Variants in HTR3A observed in about 807,000 individuals in gnomAD.
HTR3A encodes the protein 5-hydroxytryptamine receptor 3A.
HTR3A carries 45 observed loss-of-function variants against 54.8 expected under a neutral mutation model. The ratio of observed to expected loss-of-function variants is 0.82; its 90% confidence interval spans 0.65 to 1.05. The LOEUF is 1.05. HTR3A is among the 50% of genes least tolerant of loss of function. HTR3A has a pLI of 0.00. For missense variants in HTR3A, 657 were observed against 614.0 expected (o/e 1.07, Z -0.74); for synonymous variants, 297 against 256.0 (o/e 1.16, Z -1.53).
At position 113,989,698 on chromosome 11, in the gene HTR3A, C is replaced by G. The variant is rs1950529418; in HGVS notation, c.1372C>G (p.Leu458Val). ...VLDKLLFHIY[L>V]LAVLAYSITL... ...GGACAAGCTGCTATTCCACATTTAC[C>G]TGCTAGCGGTGCTGGCCTACAGCAT... Residue 458 changes from leucine (L) to valine (V), a missense_variant, in exon 9 of 9, where the codon CTG becomes GTG. Transcript: ENST00000504030. This position sits in a 1 kb window ranked among gnomAD's most constrained non-coding sequence, Gnocchi z 4.4. The G allele has an allele frequency of 3.7e-6, 6 of 1,613,934 alleles. No homozygotes were observed. The African/African-American group carries it at 8.0e-5, about 22-fold the overall frequency.
chr11:113,979,935 G>A (rs1164727325), intron 3 of HTR3A, among the ~76,000 whole-genome samples: 1 of 152,156 alleles, frequency 6.6e-6, no homozygotes, highest in Non-Finnish European at 1.5e-5. Context: ...CAGAGGTCAT[G>A]CCCAAGAGGC....
intron 8 of HTR3A, among the ~76,000 whole-genome samples, chr11:113,987,829 A>C (rs927954023): frequency 6.6e-6 from 1 of 152,234 alleles, no homozygotes; most frequent in Non-Finnish European, 1.5e-5. Context: ...TGTGGAGTTC[A>C]TACTTCCTGA....
At chr11:113,986,388 C>A in intron 6 of HTR3A, 130 bp from the exon 7 acceptor site, 1 of 1,137,870 alleles carries the variant, frequency 8.8e-7, no homozygotes, top group Non-Finnish European at 1.3e-6. Context: ...GTATGGGGGT[C>A]TGTCTGTTTT....
intron 3 of HTR3A, 31 bp from the exon 4 acceptor site, chr11:113,981,172 C>A: frequency 7.3e-7 from 1 of 1,373,622 alleles, no homozygotes; most frequent in Non-Finnish European, 1.0e-6. Context: ...ATGGAGGGGG[C>A]TGCCTGTGAC....
rs542246514 is a variant in HTR3A at position 113,980,536 on chromosome 11, G to C, written c.265-667G>C. ...AGAAGGCTGAGGAAAATGTACCTTG[G>C]TAAAGAAGATAGGGGAGAGGGAGCA... is the stretch of plus-strand genomic sequence containing the variant. On this transcript the variant is annotated intron_variant, in intron 3 of 8. Transcript: ENST00000504030. 3.3e-5 allele frequency among the ~76,000 whole-genome samples: 5 copies of C among 152,338 alleles called. No homozygotes were observed. The South Asian group carries it at 1.0e-3, about 32-fold the overall frequency.
rs1423308962 is a variant in HTR3A, at chr11:113,986,176, G to A, written c.705+1G>A. On this transcript the variant is annotated splice_donor_variant, in intron 6 of 8. Transcript: ENST00000504030. LOFTEE classifies it high-confidence loss of function. ...CTACTATGCAGAAATGAAGTTCTAT[G>A]TGAGTGGGAGTGAATGTGGGTAAAA... 3 of 1,614,220 alleles carry A rather than the reference G, an allele frequency of 1.9e-6. No individual in the cohort carries two copies. The highest frequency in any genetic ancestry group is 1.7e-5 in the Admixed American group (1 of 60,028).
At position 113,986,855 on chromosome 11, in the gene HTR3A, T is replaced by A. The variant is rs1300113642; in HGVS notation, c.947T>A (p.Leu316Gln). The change falls in exon 8 of 9, where the codon CTG (leucine) becomes CAG (glutamine). Residue 316 changes from leucine (L) to glutamine (Q), a missense_variant. By Grantham distance (113) the Leu-to-Gln change is moderately radical. Coordinates refer to ENST00000504030, the MANE Select transcript of HTR3A (RefSeq NM_000869.6). ...TACTTTGTGGTGTGCATGGCTCTGC[T>A]GGTGATAAGTTTGGCCGAGACCATC... ...GVYFVVCMAL[L>Q]VISLAETIFI... 3 of 1,614,144 alleles carry A rather than the reference T, an allele frequency of 1.9e-6. No homozygotes were observed. Among genetic ancestry groups the A allele is most frequent in the East Asian group, 4.5e-5 (2 of 44,858 alleles).
rs1000963538 is a variant in HTR3A, at chr11:113,986,967, G to C, written c.1059G>C (p.Trp353Cys). 2 of 1,614,012 alleles carry C rather than the reference G, an allele frequency of 1.2e-6. No homozygotes were observed. The highest frequency in any genetic ancestry group is 1.3e-5 in the African/African-American group (1 of 74,914). ...LRHLVLERIAWLLCLREQSTS... is the reference protein window; with the variant it reads ...LRHLVLERIACLLCLREQSTS... ...ACCTGGTTCTGGAGAGAATCGCCTG[G>C]CTACTTTGCCTGAGGGAGCAGTCAA... Residue 353 changes from tryptophan (W) to cysteine (C), a missense_variant, in exon 8 of 9, where the codon TGG (tryptophan) becomes TGC (cysteine). Transcript: ENST00000504030.
Position 113,990,211 on chromosome 11 carries a change from T to C in HTR3A, c.*448T>C, listed in dbSNP as rs1950536446. Reference sequence around the variant, plus strand: ...CTCTGTACGAGGCTTCTCTAACCCCTAGTGTCTTTTTTTTCTTCACCTCAC... The same window carrying C: ...CTCTGTACGAGGCTTCTCTAACCCCCAGTGTCTTTTTTTTCTTCACCTCAC... On this transcript the variant is annotated 3_prime_UTR_variant, in exon 9 of 9. Coordinates refer to ENST00000504030, the MANE Select transcript of HTR3A (RefSeq NM_000869.6). The C allele has an allele frequency of 4.4e-6, 2 of 455,284 alleles. No homozygotes were observed. The highest frequency in any genetic ancestry group is 2.0e-5 in the African/African-American group (1 of 50,062). 28.2% of individuals were successfully genotyped at this position (455,284 alleles called of 1,614,324 possible). A position where few individuals can be genotyped will look rare whatever the true frequency, so the allele number is the denominator to read the frequency against.
intron 3 of HTR3A, among the ~76,000 whole-genome samples, chr11:113,980,781 G>A (rs986806120): frequency 3.9e-5 from 6 of 152,242 alleles, no homozygotes; most frequent in African/African-American, 1.4e-4. Context: ...TTACATTTTA[G>A]ACTGGCCATC....
intron 1 of HTR3A, among the ~76,000 whole-genome samples, chr11:113,975,991 A>G (rs1150223): frequency 0.91 from 138,243 of 152,056 alleles, 64,289 homozygotes; most frequent in East Asian, 1. Flanking sequence ...CGCTACACCC[A>G]TCTTCTCCTG....
intron 5 of HTR3A, among the ~76,000 whole-genome samples, chr11:113,984,441 C>A (rs749937209): frequency 6.6e-6 from 1 of 151,994 alleles, no homozygotes; most frequent in African/African-American, 2.4e-5. Context: ...CATAATGAGA[C>A]CCTATAAAAA....
chr11:113,985,232 A>T (rs573555482), intron 5 of HTR3A, among the ~76,000 whole-genome samples: 1 of 152,340 alleles, frequency 6.6e-6, no homozygotes, highest in South Asian at 2.1e-4. Context: ...AGATGAATAT[A>T]TCAGTATATA....
rs749497227 is a variant in HTR3A at position 113,989,771 on chromosome 11, C to T, written c.*8C>T. The stretch of plus-strand genomic sequence containing the variant: ...ATCTGGCAGTACGCTTGAGTGGGTA[C>T]AGCCCAGTGGAGGAGGGGGTACAGT... On this transcript the variant is annotated 3_prime_UTR_variant, in exon 9 of 9. Transcript: ENST00000504030. This position sits in a 1 kb window ranked among gnomAD's most constrained non-coding sequence, Gnocchi z 4.4. 1 of 1,607,642 alleles carries T rather than the reference C, an allele frequency of 6.2e-7. No homozygotes were observed. The highest frequency in any genetic ancestry group is 1.7e-5 in the Admixed American group (1 of 60,018).
Position 113,986,719 on chromosome 11 carries a change from C to G in HTR3A, c.907C>G (p.Pro303Ala). The G allele has an allele frequency of 6.2e-7, 1 of 1,614,192 alleles. No homozygotes were observed. The highest frequency in any genetic ancestry group is 8.5e-7 in the Non-Finnish European group (1 of 1,180,036). ...DTLPATAIGT[P>A]LIGVYFVVCM... ...GCTGCCGGCCACTGCCATCGGCACT[C>G]CTCTCATTGGTAAGGCCCCTCCTGG... is the stretch of plus-strand genomic sequence containing the variant. Residue 303 changes from proline to alanine, a missense_variant, in exon 7 of 9, where the codon CCT (proline) becomes GCT (alanine). Pro to Ala is a conservative substitution (Grantham distance 27). Coordinates refer to ENST00000504030, the MANE Select transcript of HTR3A (RefSeq NM_000869.6).
At chr11:113,981,747 C>T (rs2137575572) in intron 4 of HTR3A, among the ~76,000 whole-genome samples, 1 of 152,218 alleles carries the variant, frequency 6.6e-6, no homozygotes, top group African/African-American at 2.4e-5. Flanking sequence ...CACCAGAGGT[C>T]AGGAGTTCAA....
intron 3 of HTR3A, chr11:113,980,932 A>G: frequency 2.1e-6 from 1 of 479,008 alleles, no homozygotes; most frequent in Non-Finnish European, 3.8e-6. Flanking sequence ...CAGCTGGCGG[A>G]GGGGGAACTC....
intron 4 of HTR3A, among the ~76,000 whole-genome samples, chr11:113,981,613 C>A (rs919651901): frequency 1.3e-5 from 2 of 152,104 alleles, no homozygotes; most frequent in African/African-American, 2.4e-5. Flanking sequence ...TTATAATAAC[C>A]TAATGGGACA....
At chr11:113,982,587 G>A (rs181495434) in intron 4 of HTR3A, among the ~76,000 whole-genome samples, 72 of 152,316 alleles carry the variant, frequency 4.7e-4, no homozygotes, top group Admixed American at 1.3e-3. Flanking sequence ...GGTCTTGTGG[G>A]GCTTTTCTGG....
Sources: allele counts gnomAD v4.1 joint callset (sites outside exome capture counted in the v4.1 genomes callset), GRCh38; gene constraint gnomAD v4.1.1; non-coding constraint Gnocchi (gnomAD v3.1); transcripts MANE v1.5; gene names NCBI Gene and HGNC (gene_info 2026-07-23, HGNC 2026-07-21).